CPPED1: variants seen among roughly 807,000 people sequenced by gnomAD.
CPPED1 encodes serine/threonine-protein phosphatase CPPED1.
A neutral mutation model predicts 28.0 loss-of-function variants in CPPED1; 28 were observed. That is an observed-to-expected ratio of 1.00 (90% CI 0.74 to 1.37). The LOEUF (loss-of-function observed/expected upper bound fraction) is 1.37, where lower values mean the gene tolerates loss of function less well. Ranked by LOEUF, CPPED1 falls within the 40% of genes most tolerant of loss-of-function variation. The probability of loss-of-function intolerance (pLI) is 0.00; values close to 1 mark genes in which losing one functional copy is unlikely to be tolerated. For synonymous variants in CPPED1, 198 were observed against 180.2 expected, an observed-to-expected ratio of 1.10 and a Z score of -0.79; for missense variants, 504 against 416.5, an observed-to-expected ratio of 1.21 and a Z score of -1.83.
intron 2 of CPPED1, among the ~76,000 whole-genome samples, chr16:12,780,393 C>G (rs933383757): frequency 6.6e-6 from 1 of 152,122 alleles, no homozygotes; most frequent in African/African-American, 2.4e-5. Context: ...CCAGGCTAGT[C>G]TCGAACACCT....
chr16:12,730,832 T>C (rs2080193328), intron 2 of CPPED1, among the ~76,000 whole-genome samples: 1 of 152,120 alleles, frequency 6.6e-6, no homozygotes, highest in Admixed American at 6.5e-5. Flanking sequence ...ACATCTCAAC[T>C]CGAGTGGTGG....
chr16:12,796,617 A>C (rs554327675), intron 1 of CPPED1, among the ~76,000 whole-genome samples: 1 of 152,228 alleles, frequency 6.6e-6, no homozygotes, highest in African/African-American at 2.4e-5. Flanking sequence ...ACCCATATAC[A>C]CTGCTGGTGG....
chr16:12,735,586 G>C (rs149592151), intron 2 of CPPED1, among the ~76,000 whole-genome samples: 1 of 152,184 alleles, frequency 6.6e-6, no homozygotes, highest in Admixed American at 6.5e-5. Context: ...TTACAGGCAC[G>C]AGCCACCGTG....
At chr16:12,752,174 G>C (rs2080333956) in intron 2 of CPPED1, among the ~76,000 whole-genome samples, 1 of 152,034 alleles carries the variant, frequency 6.6e-6, no homozygotes, top group Non-Finnish European at 1.5e-5. Flanking sequence ...AGTGCTGTTT[G>C]AATATAAAAA....
At chr16:12,683,773 G>A (rs975564070) in intron 3 of CPPED1, among the ~76,000 whole-genome samples, 3 of 152,172 alleles carry the variant, frequency 2.0e-5, no homozygotes, top group African/African-American at 7.2e-5. Context: ...ATATTCAGCT[G>A]TCAGTGGCTA....
intron 2 of CPPED1, among the ~76,000 whole-genome samples, chr16:12,750,934 C>T (rs2080323974): frequency 6.6e-6 from 1 of 152,004 alleles, no homozygotes; most frequent in African/African-American, 2.4e-5. Context: ...TGCCACTGCA[C>T]TCCAGCCTGG....
Position 12,803,772 on chromosome 16 carries a change from G to A in CPPED1, c.5C>T (p.Ser2Leu), listed in dbSNP as rs577494472. 8.8e-6 allele frequency: 14 copies of A among 1,599,448 alleles called. No homozygotes were observed. The South Asian group carries it at 1.4e-4, about 15-fold the overall frequency. Reference protein sequence around the residue: MSAAEAGGVFHR... With the variant: MLAAEAGGVFHR... ...GAAAACACCCCCCGCCTCTGCAGCC[G>A]ACATGGCGAGCGAGTTTCTGGCCTT... Residue 2 changes from serine (S) to leucine (L), a missense_variant, in exon 1 of 4, where the codon TCG (serine) becomes TTG (leucine). By Grantham distance (145) the Ser-to-Leu change is moderately radical. Transcript: ENST00000381774.
intron 3 of CPPED1, among the ~76,000 whole-genome samples, chr16:12,688,863 TC>T (rs2079947432): frequency 6.6e-6 from 1 of 152,118 alleles, no homozygotes; most frequent in South Asian, 2.1e-4. Context: ...TGTCAAGAGC[TC>T]CAGTCAGAAT....
intron 3 of CPPED1, among the ~76,000 whole-genome samples, chr16:12,675,419 GT>G (rs941889087): frequency 6.6e-6 from 1 of 152,058 alleles, no homozygotes; most frequent in Admixed American, 6.6e-5. Context: ...AGCTTCATAT[GT>G]TTTTTTTCTC....
chr16:12,668,716 T>C (rs976787866), intron 3 of CPPED1, among the ~76,000 whole-genome samples: 4 of 152,202 alleles, frequency 2.6e-5, no homozygotes, highest in African/African-American at 7.2e-5. Context: ...AAATGGCCGA[T>C]AATTACATGA....
intron 2 of CPPED1, among the ~76,000 whole-genome samples, chr16:12,724,087 C>G (rs779350914): frequency 1.3e-5 from 2 of 152,150 alleles, no homozygotes; most frequent in Non-Finnish European, 2.9e-5. Flanking sequence ...AACCACCCCC[C>G]ACTCCGGCCC....
chr16:12,710,454 C>CAA (rs201222533), intron 2 of CPPED1, among the ~76,000 whole-genome samples: 17 of 106,936 alleles, frequency 1.6e-4, no homozygotes, highest in African/African-American at 4.8e-4. Context: ...TGTTACAGGC[C>CAA]AAAAAAAAAA....
In CPPED1 at chr16:12,770,558, C is replaced by T. The variant is rs190896727; in HGVS notation, c.289+10627G>A. 3.6e-4 allele frequency among the ~76,000 whole-genome samples: 55 copies of T among 152,176 alleles called. 1 individual carries two copies. The East Asian group carries it at 9.5e-3, about 26-fold the overall frequency. Reference sequence around the variant, plus strand: ...GCATGCTGACCAGGGCGTGGTGGCTCACACCTGTAATCCCAGCATTTTGGG... The same window carrying T: ...GCATGCTGACCAGGGCGTGGTGGCTTACACCTGTAATCCCAGCATTTTGGG... On this transcript the variant is annotated intron_variant, in intron 2 of 3. Transcript: ENST00000381774.
chr16:12,710,385 A>C (rs2080073809), intron 2 of CPPED1, among the ~76,000 whole-genome samples: 1 of 151,552 alleles, frequency 6.6e-6, no homozygotes, highest in Non-Finnish European at 1.5e-5. Context: ...AAAGACTAGG[A>C]GAGAAATAGG....
At chr16:12,760,753 G>A (rs906508391) in intron 2 of CPPED1, 13 of 152,128 alleles carry the variant, frequency 8.5e-5, no homozygotes, top group African/African-American at 3.1e-4. Context: ...TGACATCTTT[G>A]AGTACTGCTG....
chr16:12,696,488 T>C (rs1021695463), intron 3 of CPPED1, among the ~76,000 whole-genome samples: 62 of 136,388 alleles, frequency 4.5e-4, no homozygotes, highest in African/African-American at 1.7e-3. Context: ...TCGCCCAGGG[T>C]GGAATGCAGT....
At chr16:12,742,899 G>A (rs1353596597) in intron 2 of CPPED1, among the ~76,000 whole-genome samples, 1 of 152,136 alleles carries the variant, frequency 6.6e-6, no homozygotes, top group East Asian at 1.9e-4. Context: ...CGAATACACA[G>A]GGAACCAGGC....
At chr16:12,769,024 C>T (rs2080455358) in intron 2 of CPPED1, among the ~76,000 whole-genome samples, 1 of 152,062 alleles carries the variant, frequency 6.6e-6, no homozygotes, top group Non-Finnish European at 1.5e-5. Flanking sequence ...TGCCCCCACA[C>T]CTGGCTAATT....
chr16:12,794,925 C>T (rs938719988), intron 1 of CPPED1, among the ~76,000 whole-genome samples: 2 of 152,234 alleles, frequency 1.3e-5, no homozygotes, highest in African/African-American at 2.4e-5. Flanking sequence ...GCTGGGACTT[C>T]GTGGCCAGGC....
Sources: gnomAD v4.1 joint callset for allele counts (sites outside exome capture counted in the v4.1 genomes callset) on GRCh38, gnomAD v4.1.1 for gene constraint, MANE v1.5 for transcripts, NCBI Gene and HGNC (gene_info 2026-07-23, HGNC 2026-07-21) for gene names.